The following SNAP91 variants were observed in gnomAD, a reference collection of about 807,000 sequenced individuals.
SNAP91 encodes the protein synaptosome associated protein 91.
A neutral mutation model predicts 100.3 loss-of-function variants in SNAP91; 27 were observed. The observed-to-expected ratio is 0.27, with a 90% CI of 0.20 to 0.37. The LOEUF is 0.37. SNAP91 is among the 10% of genes least tolerant of loss of function. SNAP91 has a pLI of 1.00. For missense variants in SNAP91, 986 were observed against 1,123.7 expected, an observed-to-expected ratio of 0.88 and a Z score of 1.75; for synonymous variants, 404 against 398.6, an observed-to-expected ratio of 1.01 and a Z score of -0.16.
Position 83,605,753 on chromosome 6 carries a change from G to C in SNAP91, c.1073C>G (p.Ser358Cys), listed in dbSNP as rs1269986797. 1 of 1,553,514 alleles carries C rather than the reference G, an allele frequency of 6.4e-7. No individual in the cohort carries two copies. ...DLLDLQPDFSSGGAAAAAAPA... is the reference protein window; with the variant it reads ...DLLDLQPDFSCGGAAAAAAPA... ...TGCTGCGGCTGCTGCTGCCCCTCCAGAGGAAAAGTCTGGCTGGAGGTCCAG... is the reference window on the plus strand; with the variant it reads ...TGCTGCGGCTGCTGCTGCCCCTCCACAGGAAAAGTCTGGCTGGAGGTCCAG... Residue 358 changes from serine (S) to cysteine (C), a missense_variant, in exon 14 of 30, where the codon TCT becomes TGT. Coordinates refer to ENST00000369694, the MANE Select transcript of SNAP91 (RefSeq NM_001242792.2).
chr6:83,574,755 T>C (rs1031661176), intron 26 of SNAP91, among the ~76,000 whole-genome samples: 2 of 152,174 alleles, frequency 1.3e-5, no homozygotes, highest in African/African-American at 2.4e-5. Context: ...TGGTAACTTC[T>C]GCATCTTGCT....
intron 2 of SNAP91, among the ~76,000 whole-genome samples, chr6:83,702,789 T>C (rs1057299974): frequency 3.9e-5 from 6 of 152,010 alleles, no homozygotes; most frequent in Non-Finnish European, 8.8e-5. Flanking sequence ...AATGAGAAAG[T>C]AAAAAGATCT....
chr6:83,669,701 T>C, intron 2 of SNAP91, among the ~76,000 whole-genome samples: 1 of 151,986 alleles, frequency 6.6e-6, no homozygotes, highest in South Asian at 2.1e-4. Context: ...TCAATATAAA[T>C]TAGTTTGCAT....
At chr6:83,555,122 C>T (rs1292968859) in intron 29 of SNAP91, among the ~76,000 whole-genome samples, 3 of 152,058 alleles carry the variant, frequency 2.0e-5, no homozygotes, top group Admixed American at 6.6e-5. Flanking sequence ...CTTATGTCTA[C>T]ATTAGCCAAT....
At chr6:83,675,265 T>TAA (rs1455297167) in intron 2 of SNAP91, among the ~76,000 whole-genome samples, 15 of 152,328 alleles carry the variant, frequency 9.8e-5, no homozygotes, top group African/African-American at 3.6e-4. Context: ...CTTCCTCAAA[T>TAA]AAATGCTTTA....
chr6:83,604,345 A>G (rs1266208454), intron 14 of SNAP91, among the ~76,000 whole-genome samples: 1 of 152,188 alleles, frequency 6.6e-6, no homozygotes, highest in Non-Finnish European at 1.5e-5. Flanking sequence ...GAACAATTTT[A>G]TTTTAAAAAT....
At chr6:83,656,888 T>C (rs770409849) in intron 6 of SNAP91, 23 bp from the exon 7 acceptor site, 8 of 1,151,958 alleles carry the variant, frequency 6.9e-6, no homozygotes, top group Admixed American at 4.3e-5. Flanking sequence ...AAAAATTTAA[T>C]ATTAGCGGCA....
chr6:83,639,969 A>T (rs938285072), intron 8 of SNAP91, among the ~76,000 whole-genome samples: 3 of 152,202 alleles, frequency 2.0e-5, no homozygotes, highest in South Asian at 2.1e-4. Context: ...AATTTTAAGC[A>T]ATTCTATCAT....
chr6:83,561,870 G>A (rs1788379705), intron 26 of SNAP91, among the ~76,000 whole-genome samples: 1 of 152,072 alleles, frequency 6.6e-6, no homozygotes, highest in African/African-American at 2.4e-5. Flanking sequence ...TTTTTTAGAA[G>A]TTAGCTGGGC....
intron 26 of SNAP91, among the ~76,000 whole-genome samples, chr6:83,567,397 A>C (rs550245815): frequency 6.6e-6 from 1 of 152,328 alleles, no homozygotes; most frequent in African/African-American, 2.4e-5. Context: ...AAACCATAAA[A>C]ACCCTAGAAC....
intron 8 of SNAP91, among the ~76,000 whole-genome samples, chr6:83,626,263 C>T (rs2096924666): frequency 6.6e-6 from 1 of 152,002 alleles, no homozygotes; most frequent in Admixed American, 6.6e-5. Context: ...TTACTGCACC[C>T]TTGTAGTATA....
chr6:83,642,719 T>C (rs1310990585), intron 7 of SNAP91, among the ~76,000 whole-genome samples: 1 of 152,200 alleles, frequency 6.6e-6, no homozygotes. Context: ...ATGGGATGGC[T>C]GAGTCAAATG....
chr6:83,557,230 C>A (rs1780142759), intron 28 of SNAP91, among the ~76,000 whole-genome samples: 1 of 152,082 alleles, frequency 6.6e-6, no homozygotes, highest in African/African-American at 2.4e-5. Context: ...CTTGTAGTAA[C>A]ATGCTGGGAC....
intron 8 of SNAP91, among the ~76,000 whole-genome samples, chr6:83,638,266 C>T (rs1439546673): frequency 6.6e-6 from 1 of 152,024 alleles, no homozygotes; most frequent in African/African-American, 2.4e-5. Flanking sequence ...AGTATTTTCT[C>T]TCAAAAGATC....
chr6:83,593,610 C>A lies in SNAP91; in HGVS notation c.1564G>T (p.Ala522Ser), dbSNP rs372948331. Reference sequence around the variant, plus strand: ...GCAACGGCAGGAGCAGGAGAAGGAGCAGTTGCGGGAACTGGAGGGGCTGTG... The same window carrying A: ...GCAACGGCAGGAGCAGGAGAAGGAGAAGTTGCGGGAACTGGAGGGGCTGTG... ...ASTAPPVPAT[A>S]PSPAPAVAAA... The change falls in exon 18 of 30, where the codon GCT (alanine) becomes TCT (serine). Residue 522 changes from alanine to serine, a missense_variant. Physicochemically the swap from Ala to Ser is moderately conservative, Grantham distance 99. Around this residue, in one of 4 missense-constraint regions of SNAP91, gnomAD observed 575 missense variants for 579.9 expected, o/e 0.99. Transcript: ENST00000369694. 3.8e-6 allele frequency: 6 copies of A among 1,596,018 alleles called. No individual in the cohort carries two copies. In the African/African-American group the frequency reaches 8.1e-5, roughly 21 times the overall value.
intron 12 of SNAP91, among the ~76,000 whole-genome samples, chr6:83,609,696 C>G (rs2095866472): frequency 6.6e-6 from 1 of 152,142 alleles, no homozygotes; most frequent in Admixed American, 6.5e-5. Flanking sequence ...CCTGTCCTTT[C>G]ACATGGTAAA....
intron 22 of SNAP91, among the ~76,000 whole-genome samples, chr6:83,589,467 A>G (rs1038722668): frequency 1.3e-5 from 2 of 152,202 alleles, no homozygotes; most frequent in African/African-American, 4.8e-5. Context: ...ATTAGCCCCC[A>G]AAATTAAGCC....
At chr6:83,698,992 A>G (rs1295789998) in intron 2 of SNAP91, among the ~76,000 whole-genome samples, 2 of 152,208 alleles carry the variant, frequency 1.3e-5, no homozygotes, top group Non-Finnish European at 2.9e-5. Flanking sequence ...TAATTTTCAA[A>G]TTACAGATAA....
chr6:83,570,976 C>G (rs980833703), intron 26 of SNAP91, among the ~76,000 whole-genome samples: 3 of 152,084 alleles, frequency 2.0e-5, no homozygotes, highest in African/African-American at 7.2e-5. Flanking sequence ...AGTGGTAGCT[C>G]CACTGACAGC....
Sources: gnomAD v4.1 joint callset for allele counts (sites outside exome capture counted in the v4.1 genomes callset) on GRCh38, gnomAD v4.1.1 for gene constraint, gnomAD v4.1.1 regional missense constraint, MANE v1.5 for transcripts, NCBI Gene and HGNC (gene_info 2026-07-23, HGNC 2026-07-21) for gene names.